The following SLC35B3 variants were observed in gnomAD, a reference collection of about 807,000 sequenced individuals.
SLC35B3 encodes adenosine 3'-phospho 5'-phosphosulfate transporter 2.
Under a neutral mutation model 44.1 loss-of-function variants are expected in SLC35B3, and 35 were observed. The ratio of observed to expected loss-of-function variants is 0.79; its 90% CI spans 0.61 to 1.05. SLC35B3 has a LOEUF of 1.05. Among genes scored for constraint, SLC35B3 ranks in the 50% least tolerant of loss-of-function variants. The pLI, the probability that SLC35B3 is intolerant of heterozygous loss-of-function variation, is 0.00. For missense variants in SLC35B3, 414 were observed against 476.4 expected, an observed-to-expected ratio of 0.87 and a Z score of 1.22; for synonymous variants, 146 against 167.3, an observed-to-expected ratio of 0.87 and a Z score of 0.98.
chr6:8,418,700 T>C (rs1187911550), intron 7 of SLC35B3: 1 of 153,138 alleles, frequency 6.5e-6, no homozygotes, highest in African/African-American at 2.4e-5. Context: ...TAAACTCTAA[T>C]GGACATTGAA....
chr6:8,414,808 C>T (rs561643940), intron 10 of SLC35B3, 100 bp downstream of exon 9: 3 of 603,386 alleles, frequency 5.0e-6, no homozygotes, highest in South Asian at 3.5e-5. Context: ...ACACTTACTA[C>T]AAAAAAGAAA....
Position 8,435,051 on chromosome 6 carries a change from TA to T in SLC35B3, c.-44+291del. 8.4e-7 allele frequency: 1 copy of T among 1,189,996 alleles called. No homozygotes were observed. Among genetic ancestry groups the T allele is most frequent in the African/African-American group, 1.6e-5 (1 of 62,100 alleles). The allele number at this position is 1,189,996 out of a possible 1,614,324, so 73.7% of individuals were successfully genotyped here. A position where few individuals can be genotyped will look rare whatever the true frequency, so the allele number is the denominator to read the frequency against. Reference sequence around the variant, plus strand: ...TTCTCCAGAGACCCCGAGAACAGCGTAAAAGACCCCTTGAGGTCACCTCACC... The same window carrying T: ...TTCTCCAGAGACCCCGAGAACAGCGTAAAGACCCCTTGAGGTCACCTCACC... On this transcript the variant is annotated intron_variant, in intron 1 of 10. Transcript: ENST00000644923. This position sits in a 1 kb window ranked among gnomAD's most constrained non-coding sequence, Gnocchi z 5.5.
chr6:8,426,465 T>C (rs977806631), intron 4 of SLC35B3, among the ~76,000 whole-genome samples: 4 of 152,166 alleles, frequency 2.6e-5, no homozygotes, highest in Non-Finnish European at 5.9e-5. Flanking sequence ...TCCCCCATAT[T>C]GTTCTCATGG....
intron 4 of SLC35B3, among the ~76,000 whole-genome samples, chr6:8,423,862 G>A (rs1020145099): frequency 2.6e-5 from 4 of 152,114 alleles, no homozygotes; most frequent in South Asian, 2.1e-4. Context: ...GTGTAAATGC[G>A]TTCATGCCAT....
At position 8,435,487 on chromosome 6, in the gene SLC35B3, G is replaced by A. The variant is rs779731552; in HGVS notation, c.-188C>T. The A allele has an allele frequency of 1.1e-5, 11 of 958,902 alleles. No homozygotes were observed. Among genetic ancestry groups the A allele is most frequent in the South Asian group, 2.9e-5 (2 of 69,134 alleles). The allele number at this position is 958,902 out of a possible 1,614,324, so 59.4% of individuals were successfully genotyped here. A position where few individuals can be genotyped will look rare whatever the true frequency, so the allele number is the denominator to read the frequency against. ...CCACTCCTGCACTTTCCACCGCGGC[G>A]GTCGCCTCCCCGGAAAGCACTCTCA... On this transcript the variant is annotated 5_prime_UTR_variant, in exon 1 of 11. Transcript: ENST00000644923. The surrounding 1 kb of genome is among the most constrained non-coding windows in gnomAD (Gnocchi z 5.5).
chr6:8,421,999 TTTG>T (rs1159655283), intron 5 of SLC35B3, among the ~76,000 whole-genome samples: 37 of 151,740 alleles, frequency 2.4e-4, no homozygotes, highest in Admixed American at 1.6e-3. Flanking sequence ...TAAGTGTTTG[TTTG>T]TTTGTTTGTT....
chr6:8,420,897 G>T lies in SLC35B3; in HGVS notation c.575-69C>A. 1 of 1,203,676 alleles carries T rather than the reference G, an allele frequency of 8.3e-7. No individual in the cohort carries two copies. The highest frequency in any genetic ancestry group is 1.2e-6 in the Non-Finnish European group (1 of 840,782). The allele number at this position is 1,203,676 out of a possible 1,614,324, so 74.6% of individuals were successfully genotyped here. A position where few individuals can be genotyped will look rare whatever the true frequency, so the allele number is the denominator to read the frequency against. ...ACCCAGCTTTATATTTGCTCTATGT[G>T]TTAAGTAGAACATGGATTTGTTTTT... On this transcript the variant is annotated intron_variant, in intron 5 of 10. Transcript: ENST00000644923. The surrounding 1 kb of genome is among the most constrained non-coding windows in gnomAD (Gnocchi z 4.4).
intron 3 of SLC35B3, among the ~76,000 whole-genome samples, chr6:8,428,614 G>C (rs907405593): frequency 1.3e-5 from 2 of 152,018 alleles, no homozygotes; most frequent in Admixed American, 1.3e-4. Flanking sequence ...AAAAAACTTT[G>C]CATAAACCAA....
chr6:8,428,416 A>T (rs1214578652), intron 3 of SLC35B3, among the ~76,000 whole-genome samples: 1 of 152,186 alleles, frequency 6.6e-6, no homozygotes, highest in African/African-American at 2.4e-5. Context: ...TGATCAATAA[A>T]TCAAATTGAA....
chr6:8,432,324 C>T lies in SLC35B3; in HGVS notation c.3+2061G>A, dbSNP rs9379194. Among the ~76,000 whole-genome samples the T allele has an allele frequency of 0.5, 75,323 of 151,492 alleles. 19,597 individuals are homozygous for T. The highest frequency in any genetic ancestry group is 0.67 in the African/African-American group (27,596 of 41,272). Reference sequence around the variant, plus strand: ...TTTACAAATAATGCTTACATATTTACACATACATACAGAATAAATAAAACT... The same window carrying T: ...TTTACAAATAATGCTTACATATTTATACATACATACAGAATAAATAAAACT... On this transcript the variant is annotated intron_variant, in intron 2 of 10. Coordinates refer to ENST00000644923, the MANE Select transcript of SLC35B3 (RefSeq NM_001370476.2). The surrounding 1 kb of genome is among the most constrained non-coding windows in gnomAD (Gnocchi z 4.8).
intron 5 of SLC35B3, among the ~76,000 whole-genome samples, chr6:8,421,069 T>A (rs899635458): frequency 3.9e-5 from 6 of 152,166 alleles, no homozygotes; most frequent in African/African-American, 1.2e-4. Context: ...GACACTAAAA[T>A]ACATACTTTG....
At position 8,434,504 on chromosome 6, in the gene SLC35B3, G is replaced by C. The variant is rs1289232057; in HGVS notation, c.-43-74C>G. The C allele has an allele frequency of 1.5e-6, 2 of 1,306,040 alleles. No homozygotes were observed. The highest frequency in any genetic ancestry group is 2.1e-6 in the Non-Finnish European group (2 of 942,798). The allele number at this position is 1,306,040 out of a possible 1,614,324, so 80.9% of individuals were successfully genotyped here. On this transcript the variant is annotated intron_variant, in intron 1 of 10. Coordinates refer to ENST00000644923, the MANE Select transcript of SLC35B3 (RefSeq NM_001370476.2). This position sits in a 1 kb window ranked among gnomAD's most constrained non-coding sequence, Gnocchi z 6.3. Reference sequence around the variant, plus strand: ...CTTTGTACACACATCATTACACAAAGGTGGAGAAACCCTGTGCTAATGTTT... The same window carrying C: ...CTTTGTACACACATCATTACACAAACGTGGAGAAACCCTGTGCTAATGTTT...
chr6:8,421,891 C>A (rs1353863546), intron 5 of SLC35B3, among the ~76,000 whole-genome samples: 2 of 152,156 alleles, frequency 1.3e-5, no homozygotes, highest in Non-Finnish European at 2.9e-5. Flanking sequence ...TATAGTATTG[C>A]TGGAAATGTG....
At position 8,422,626 on chromosome 6, in the gene SLC35B3, T is replaced by C. The variant is rs765707833; in HGVS notation, c.420-2A>G. ...ATCATGTAGGTTTTTCCTGGTATTC[T>C]GTAAAAGACAATTTTTAAAACCTTC... On this transcript the variant is annotated splice_acceptor_variant, in intron 4 of 10. Transcript: ENST00000644923. LOFTEE classifies it high-confidence loss of function. The C allele has an allele frequency of 6.2e-7, 1 of 1,600,244 alleles. No homozygotes were observed.
chr6:8,427,859 TA>T, intron 4 of SLC35B3, 77 bp downstream of exon 3: 2 of 1,294,094 alleles, frequency 1.5e-6, no homozygotes, highest in Non-Finnish European at 2.1e-6. Context: ...AATAGAAGTA[TA>T]AATTTCATGC....
chr6:8,413,513 C>A lies in SLC35B3; in HGVS notation c.*36G>T. 6.5e-7 allele frequency: 1 copy of A among 1,548,554 alleles called. No individual in the cohort carries two copies. Among genetic ancestry groups the A allele is most frequent in the Non-Finnish European group, 8.7e-7 (1 of 1,146,224 alleles). On this transcript the variant is annotated 3_prime_UTR_variant, in exon 11 of 11. Transcript: ENST00000644923. ...GAAAGTTAATTAATTGATGATTGTT[C>A]CCTTAAAATTCTATTTTAAATAGGA...
chr6:8,434,052 T>A lies in SLC35B3; in HGVS notation c.3+333A>T, dbSNP rs5874148. ...AACTAAAATATATATATATATATTT[T>A]AAAAATCACAGGTGTGTATAATTGC... On this transcript the variant is annotated intron_variant, in intron 2 of 10. Coordinates refer to ENST00000644923, the MANE Select transcript of SLC35B3 (RefSeq NM_001370476.2). This position sits in a 1 kb window ranked among gnomAD's most constrained non-coding sequence, Gnocchi z 6.3. Among the ~76,000 whole-genome samples the A allele has an allele frequency of 4.1e-4, 61 of 150,238 alleles. No individual in the cohort carries two copies. The highest frequency in any genetic ancestry group is 3.3e-3 in the South Asian group (16 of 4,780).
chr6:8,414,793 T>C (rs1213197915), intron 10 of SLC35B3, 115 bp downstream of exon 9: 12 of 503,448 alleles, frequency 2.4e-5, no homozygotes, highest in Non-Finnish European at 3.4e-6. Context: ...TATATAAAAA[T>C]AAATACACTT....
chr6:8,415,406 T>C (rs1160550617), intron 9 of SLC35B3, among the ~76,000 whole-genome samples: 1 of 152,148 alleles, frequency 6.6e-6, no homozygotes, highest in African/African-American at 2.4e-5. Context: ...TAAGTAACCA[T>C]TACAATCTTC....
Sources: allele counts gnomAD v4.1 joint callset (sites outside exome capture counted in the v4.1 genomes callset), GRCh38; gene constraint gnomAD v4.1.1; non-coding constraint Gnocchi (gnomAD v3.1); transcripts MANE v1.5; gene names NCBI Gene and HGNC (gene_info 2026-07-23, HGNC 2026-07-21).